HTT-AS: variants seen among roughly 807,000 people sequenced by gnomAD.
HTT-AS encodes HTT antisense RNA (head to head).
In HTT-AS at chr4:3,062,521, C is replaced by T. The variant is rs73086119; in HGVS notation, n.1293G>A. Among the ~76,000 whole-genome samples, 1,014 of 152,126 alleles carry T rather than the reference C, an allele frequency of 6.7e-3. 13 individuals carry two copies. The highest frequency in any genetic ancestry group is 0.023 in the African/African-American group (953 of 41,516). On this transcript the variant is annotated non_coding_transcript_exon_variant, in exon 2 of 3. Transcript: ENST00000664062. ...CCCCAGGTCAAACACCTCCCCTCTG[C>T]GGCCTGTGCTTCACCGCCTTGACAG...
chr4:3,053,784 G>C (rs1265287984), intron 2 of HTT-AS, among the ~76,000 whole-genome samples: 1 of 144,520 alleles, frequency 6.9e-6, no homozygotes, highest in Non-Finnish European at 1.5e-5. Context: ...TTGAGATGGA[G>C]TTTCACTCTT....
intron 2 of HTT-AS, among the ~76,000 whole-genome samples, chr4:3,059,925 T>TTG (rs1339018633): frequency 6.8e-6 from 1 of 147,512 alleles, no homozygotes; most frequent in African/African-American, 2.5e-5. Context: ...GTGTTTTTTG[T>TTG]TTTTTTTTTT....
In HTT-AS at chr4:3,074,455, C is replaced by T. The variant is rs189174671; in HGVS notation, n.84G>A. On this transcript the variant is annotated non_coding_transcript_exon_variant, in exon 1 of 3. Transcript: ENST00000664062. ...TTACAGTCTCACCACGCCCCGTCCC[C>T]TCTCCGTTGAGCCCCGCGCCTTCGC... 3.2e-3 allele frequency: 673 copies of T among 208,760 alleles called. 4 individuals are homozygous for T. Among genetic ancestry groups the T allele is most frequent in the Middle Eastern group, 0.016 (10 of 614 alleles). The allele number at this position is 208,760 out of a possible 1,614,324, so 12.9% of individuals were successfully genotyped here.
chr4:3,074,555 C>G, upstream of HTT-AS: 1 of 343,838 alleles, frequency 2.9e-6, no homozygotes, highest in Non-Finnish European at 5.1e-6. Context: ...GGGCTGGTTC[C>G]CTGGCCAGCC....
intron 1 of HTT-AS, among the ~76,000 whole-genome samples, chr4:3,072,429 C>G (rs1041223550): frequency 1.3e-5 from 2 of 152,244 alleles, no homozygotes; most frequent in African/African-American, 4.8e-5. Flanking sequence ...GGGTGACATT[C>G]CATCACCTTT....
chr4:3,047,835 T>A (rs568457322), downstream of HTT-AS, among the ~76,000 whole-genome samples: 8 of 152,366 alleles, frequency 5.3e-5, no homozygotes, highest in East Asian at 1.4e-3. Context: ...TGGCTCCATC[T>A]TCTAGATAGC....
At chr4:3,061,880 G>A (rs1711932496) in intron 2 of HTT-AS, among the ~76,000 whole-genome samples, 1 of 151,214 alleles carries the variant, frequency 6.6e-6, no homozygotes, top group Admixed American at 6.6e-5. Flanking sequence ...TACTCGGCAG[G>A]CTGAGGCAGG....
At chr4:3,066,667 T>A (rs1712063148) in intron 1 of HTT-AS, among the ~76,000 whole-genome samples, 1 of 152,112 alleles carries the variant, frequency 6.6e-6, no homozygotes. Flanking sequence ...ATCAACCACA[T>A]CCAGTTCCTC....
At chr4:3,056,261 C>A (rs564896758) in intron 2 of HTT-AS, among the ~76,000 whole-genome samples, 1 of 152,224 alleles carries the variant, frequency 6.6e-6, no homozygotes, top group Non-Finnish European at 1.5e-5. Flanking sequence ...GGGCAGTCCT[C>A]AGAATCCCAG....
chr4:3,069,615 G>C (rs978137571), intron 1 of HTT-AS, among the ~76,000 whole-genome samples: 2 of 152,168 alleles, frequency 1.3e-5, no homozygotes, highest in Non-Finnish European at 2.9e-5. Context: ...TTAAAAACGA[G>C]GGTTGTCAAA....
At chr4:3,071,208 C>A (rs1712166713) in intron 1 of HTT-AS, among the ~76,000 whole-genome samples, 1 of 152,184 alleles carries the variant, frequency 6.6e-6, no homozygotes, top group South Asian at 2.1e-4. Context: ...CACAGCAGCT[C>A]AGACGGAAGT....
downstream of HTT-AS, among the ~76,000 whole-genome samples, chr4:3,048,742 A>G (rs971359162): frequency 1.2e-4 from 19 of 152,234 alleles, no homozygotes; most frequent in Admixed American, 2.6e-4. Context: ...TTGTGTAACT[A>G]TAGCCTTTAC....
At chr4:3,057,103 G>A (rs1052252261) in intron 2 of HTT-AS, among the ~76,000 whole-genome samples, 1 of 151,352 alleles carries the variant, frequency 6.6e-6, no homozygotes, top group African/African-American at 2.4e-5. Flanking sequence ...GCACAATCTC[G>A]GCTCACTGCA....
At chr4:3,057,903 G>A (rs976032091) in intron 2 of HTT-AS, among the ~76,000 whole-genome samples, 2 of 152,006 alleles carry the variant, frequency 1.3e-5, no homozygotes, top group South Asian at 2.1e-4. Flanking sequence ...GATTACAGGC[G>A]TGAGCCACCA....
downstream of HTT-AS, among the ~76,000 whole-genome samples, chr4:3,046,584 A>C (rs113545860): frequency 6.0e-5 from 9 of 150,922 alleles, no homozygotes; most frequent in African/African-American, 1.2e-4. Flanking sequence ...ATTTTGAGAG[A>C]TTGACCAAAA....
chr4:3,068,437 T>C (rs112121710), intron 1 of HTT-AS, among the ~76,000 whole-genome samples: 3,791 of 151,804 alleles, frequency 0.025, 147 homozygotes, highest in African/African-American at 0.087. Context: ...CACTTCCTGA[T>C]TGAACTGGAA....
chr4:3,055,630 T>C lies in HTT-AS; in HGVS notation n.1381-5932A>G, dbSNP rs116783476. ...ACCATTTCTGTAAGACTTCACCACT[T>C]TCCATGCCTAACGTGTAAGCCAGAA... On this transcript the variant is annotated intron_variant and non_coding_transcript_variant, in intron 2 of 2. Coordinates refer to ENST00000664062, the Ensembl canonical transcript of HTT-AS. Among the ~76,000 whole-genome samples the C allele has an allele frequency of 6.1e-3, 925 of 152,332 alleles. 7 individuals are homozygous for C. Among genetic ancestry groups the C allele is most frequent in the African/African-American group, 0.021 (892 of 41,572 alleles).
At chr4:3,073,934 G>C (rs1053087058) in intron 1 of HTT-AS, among the ~76,000 whole-genome samples, 34 of 152,286 alleles carry the variant, frequency 2.2e-4, no homozygotes, top group African/African-American at 8.2e-4. Flanking sequence ...TCCACGGCCG[G>C]CTGTCGCCCC....
exon 2 of HTT-AS, among the ~76,000 whole-genome samples, chr4:3,063,153 T>C (rs1385851912): frequency 2.6e-5 from 4 of 152,198 alleles, no homozygotes; most frequent in Non-Finnish European, 5.9e-5. Context: ...AGGTGCTCAG[T>C]GGAGAGGGCT....
Sources: allele counts gnomAD v4.1 joint callset (sites outside exome capture counted in the v4.1 genomes callset), GRCh38; gene constraint gnomAD v4.1.1; transcripts MANE v1.5; gene names NCBI Gene and HGNC (gene_info 2026-07-23, HGNC 2026-07-21).